TMEM181: variants seen among roughly 807,000 people sequenced by gnomAD.
TMEM181 encodes transmembrane protein 181, also known as G protein-coupled receptor 178.
Under a neutral mutation model 71.9 loss-of-function variants are expected in TMEM181, and 39 were observed. That is an observed-to-expected ratio of 0.54 (90% CI 0.42 to 0.71). The LOEUF (loss-of-function observed/expected upper bound fraction) is 0.71. TMEM181 is among the 30% of genes least tolerant of loss of function. TMEM181 has a pLI of 0.00. For missense variants in TMEM181, 595 were observed against 583.0 expected (o/e 1.02, Z -0.21); for synonymous variants, 245 against 228.8 (o/e 1.07, Z -0.64).
intron 6 of TMEM181, among the ~76,000 whole-genome samples, chr6:158,594,502 T>C (rs1278420297): frequency 1.3e-5 from 2 of 152,216 alleles, no homozygotes; most frequent in African/African-American, 4.8e-5. Context: ...AAGTTTTCTC[T>C]ATGGCTTGAT....
chr6:158,599,746 TG>T (rs1784568196), intron 6 of TMEM181, among the ~76,000 whole-genome samples: 1 of 152,174 alleles, frequency 6.6e-6, no homozygotes, highest in Non-Finnish European at 1.5e-5. Flanking sequence ...TGGAGGCCGC[TG>T]TGTGTCATGG....
intron 1 of TMEM181, among the ~76,000 whole-genome samples, chr6:158,554,024 A>G (rs1272137147): frequency 1.3e-5 from 2 of 152,084 alleles, no homozygotes; most frequent in African/African-American, 4.8e-5. Flanking sequence ...CTCCTGCCTC[A>G]TCCTCCCGAG....
chr6:158,547,430 T>C (rs1158915724), intron 1 of TMEM181, among the ~76,000 whole-genome samples: 3 of 152,216 alleles, frequency 2.0e-5, no homozygotes, highest in Non-Finnish European at 2.9e-5. Context: ...TGTCTTAAAC[T>C]AGTTTGCTTC....
At chr6:158,549,272 T>C (rs1781643716) in intron 1 of TMEM181, among the ~76,000 whole-genome samples, 1 of 152,020 alleles carries the variant, frequency 6.6e-6, no homozygotes, top group Non-Finnish European at 1.5e-5. Context: ...TGCGCCACTA[T>C]GCCCGGCTGA....
At chr6:158,627,969 G>A (rs1420629465) in intron 13 of TMEM181, among the ~76,000 whole-genome samples, 1 of 152,182 alleles carries the variant, frequency 6.6e-6, no homozygotes, top group African/African-American at 2.4e-5. Flanking sequence ...GGAACTGACC[G>A]GGGAGGCGTC....
intron 1 of TMEM181, among the ~76,000 whole-genome samples, chr6:158,561,960 A>G (rs931633267): frequency 4.6e-5 from 7 of 152,180 alleles, no homozygotes; most frequent in Admixed American, 1.3e-4. Flanking sequence ...GACTTAGGTG[A>G]CTGAGTGTTC....
chr6:158,625,672 A>G (rs1786231638), intron 12 of TMEM181, 31 bp from the exon 13 acceptor site: 2 of 1,574,560 alleles, frequency 1.3e-6, no homozygotes, highest in African/African-American at 1.4e-5. Flanking sequence ...ATTTACTTCC[A>G]GAGTTGTTAA....
chr6:158,582,482 T>C (rs532490393), intron 3 of TMEM181, among the ~76,000 whole-genome samples: 1 of 152,208 alleles, frequency 6.6e-6, no homozygotes, highest in South Asian at 2.1e-4. Context: ...CTGGGCAGCA[T>C]AGGGAGACTG....
intron 10 of TMEM181, chr6:158,609,753 T>C: frequency 3.9e-6 from 1 of 259,106 alleles, no homozygotes. Flanking sequence ...GTGGCCAGGG[T>C]GTGGGAGACT....
In TMEM181 at chr6:158,573,518, TC is replaced by T; in HGVS notation, c.108del (p.Arg37GlufsTer5). 6.2e-7 allele frequency: 1 copy of T among 1,603,902 alleles called. No individual in the cohort carries two copies. The highest frequency in any genetic ancestry group is 2.3e-5 in the East Asian group (1 of 44,368). Reference sequence around the variant, plus strand: ...TTTGGCCTGACCATCTTCGTTGGGATCAGAGGTAAGGTTCGGTTTTTACTCA... The same window carrying T: ...TTTGGCCTGACCATCTTCGTTGGGATAGAGGTAAGGTTCGGTTTTTACTCA... Reference protein sequence around the residue: ...ICFGLTIFVGIRGPKVIQTSA... With the variant: ...ICFGLTIFVGXRGPKVIQTSA... On this transcript the variant is annotated frameshift_variant, in exon 2 of 17. Transcript: ENST00000684151. LOFTEE classifies it high-confidence loss of function.
chr6:158,617,429 C>T (rs550466108), intron 10 of TMEM181, among the ~76,000 whole-genome samples: 15 of 151,500 alleles, frequency 9.9e-5, no homozygotes, highest in Non-Finnish European at 2.1e-4. Context: ...AAACCAGCTC[C>T]TGGATTCATT....
intron 1 of TMEM181, among the ~76,000 whole-genome samples, chr6:158,565,098 C>G (rs978871577): frequency 6.6e-6 from 1 of 152,218 alleles, no homozygotes; most frequent in African/African-American, 2.4e-5. Context: ...AGTGGGAATG[C>G]TGGTGCTGGC....
At chr6:158,624,410 C>T (rs62432927) in intron 11 of TMEM181, among the ~76,000 whole-genome samples, 46,214 of 152,214 alleles carry the variant, frequency 0.3, 7,488 homozygotes, top group East Asian at 0.66. Flanking sequence ...AGCTCTGGCG[C>T]TGAGAGGACA....
At chr6:158,537,324 G>T (rs1292102435) in intron 1 of TMEM181, among the ~76,000 whole-genome samples, 1 of 152,188 alleles carries the variant, frequency 6.6e-6, no homozygotes, top group South Asian at 2.1e-4. Context: ...AGCTCTGAGC[G>T]CCCTAGGCTT....
chr6:158,547,636 G>A (rs1454617441), intron 1 of TMEM181, among the ~76,000 whole-genome samples: 1 of 152,082 alleles, frequency 6.6e-6, no homozygotes, highest in Non-Finnish European at 1.5e-5. Context: ...TTCCCAGGCT[G>A]CTCATTTCTC....
intron 1 of TMEM181, among the ~76,000 whole-genome samples, chr6:158,554,328 C>T (rs756904204): frequency 6.6e-5 from 10 of 152,160 alleles, no homozygotes; most frequent in Non-Finnish European, 4.4e-5. Context: ...TCAGGCAGTC[C>T]GCTCACCTTG....
chr6:158,623,651 G>GT, intron 11 of TMEM181, 44 bp downstream of exon 11: 1 of 1,380,842 alleles, frequency 7.2e-7, no homozygotes, highest in East Asian at 2.3e-5. Flanking sequence ...TCTTAATGCT[G>GT]TTTTGTAAAA....
rs1582997888 is a variant in TMEM181, at chr6:158,591,458, G to A, written c.492+1676G>A. Among the ~76,000 whole-genome samples, 5 of 152,100 alleles carry A rather than the reference G, an allele frequency of 3.3e-5. No individual in the cohort carries two copies. The South Asian group carries it at 1.0e-3, about 32-fold the overall frequency. On this transcript the variant is annotated intron_variant, in intron 6 of 16. Transcript: ENST00000684151. ...TCAGCCAGCCTTTCCAGATCTTTTGGATCTGAATCTGGGGTCTGGTCTTTG... is the reference window on the plus strand; with the variant it reads ...TCAGCCAGCCTTTCCAGATCTTTTGAATCTGAATCTGGGGTCTGGTCTTTG...
chr6:158,544,182 A>AGAGAGAGTGTGTGTGTGTGT lies in TMEM181; in HGVS notation c.131+7318_131+7319insAGAGAGTGTGTGTGTGTGTG, dbSNP rs149735409. Among the ~76,000 whole-genome samples, 472 of 127,636 alleles carry AGAGAGAGTGTGTGTGTGTGT rather than the reference A, an allele frequency of 3.7e-3. 5 individuals are homozygous for AGAGAGAGTGTGTGTGTGTGT. The highest frequency in any genetic ancestry group is 0.014 in the African/African-American group (449 of 32,932). The allele number at this position is 127,636 out of a possible 152,430, so 83.7% of individuals were successfully genotyped here. A position where few individuals can be genotyped will look rare whatever the true frequency, so the allele number is the denominator to read the frequency against. On this transcript the variant is annotated intron_variant, in intron 1 of 16. Coordinates refer to the TMEM181 transcript ENST00000367090. ...GGTTTCTCAGGTGCAAATTGGAGAG[A>AGAGAGAGTGTGTGTGTGTGT]GTGTGTGTGTGTGTGTGTGTGTGTG...
Sources: allele counts gnomAD v4.1 joint callset (sites outside exome capture counted in the v4.1 genomes callset), GRCh38; gene constraint gnomAD v4.1.1; transcripts MANE v1.5; gene names NCBI Gene and HGNC (gene_info 2026-07-23, HGNC 2026-07-21).